The following ZFAT variants were observed in gnomAD, a reference collection of about 807,000 sequenced individuals.
ZFAT encodes zinc finger and AT-hook domain containing.
A neutral mutation model predicts 117.7 loss-of-function variants in ZFAT; 64 were observed. The ratio of observed to expected loss-of-function variants is 0.54; its 90% CI spans 0.44 to 0.67. The LOEUF (loss-of-function observed/expected upper bound fraction) is 0.67, where lower values mean the gene tolerates loss of function less well. ZFAT is among the 30% of genes least tolerant of loss of function. The pLI, the probability that ZFAT is intolerant of heterozygous loss-of-function variation, is 0.00. For missense variants in ZFAT, 1,433 were observed against 1,584.5 expected, an observed-to-expected ratio of 0.90 and a Z score of 1.62; for synonymous variants, 679 against 615.0, an observed-to-expected ratio of 1.10 and a Z score of -1.54.
At chr8:134,748,501 G>A in the ZFAT span, among the ~76,000 whole-genome samples, 22 of 152,148 alleles carry the variant, frequency 1.4e-4, no homozygotes, top group Middle Eastern at 6.8e-3. Flanking sequence ...CATATCATGG[G>A]CATTTTGTTT....
At chr8:134,806,063 A>G in the ZFAT span, among the ~76,000 whole-genome samples, 1 of 152,234 alleles carries the variant, frequency 6.6e-6, no homozygotes, top group South Asian at 2.1e-4. Flanking sequence ...AAAGTCCACA[A>G]TTAAGTCACA....
chr8:134,711,212 T>C (rs1014523387), intron 1 of ZFAT, among the ~76,000 whole-genome samples: 5 of 152,138 alleles, frequency 3.3e-5, no homozygotes, highest in African/African-American at 1.2e-4. Flanking sequence ...CAAGGGACCC[T>C]CCCGCCTCAG....
At chr8:134,683,597 A>G (rs1833172336) in intron 1 of ZFAT, among the ~76,000 whole-genome samples, 1 of 152,208 alleles carries the variant, frequency 6.6e-6, no homozygotes, top group Admixed American at 6.5e-5. Flanking sequence ...GGCAGAACCA[A>G]GAGCCTTGCC....
intron 15 of ZFAT, among the ~76,000 whole-genome samples, chr8:134,486,739 C>T (rs1326495788): frequency 6.6e-6 from 1 of 152,170 alleles, no homozygotes; most frequent in Non-Finnish European, 1.5e-5. Context: ...CTGTCAAGAT[C>T]ATCACCACAG....
chr8:134,669,878 C>T (rs1169235433), intron 1 of ZFAT, among the ~76,000 whole-genome samples: 1 of 152,160 alleles, frequency 6.6e-6, no homozygotes, highest in Non-Finnish European at 1.5e-5. Context: ...CAGAGACACA[C>T]ATAGGCTCAA....
At chr8:134,491,537 A>G (rs929094108) in intron 15 of ZFAT, among the ~76,000 whole-genome samples, 2 of 152,264 alleles carry the variant, frequency 1.3e-5, no homozygotes, top group Admixed American at 6.5e-5. Context: ...TCAACATTTC[A>G]GCAGGGCTGT....
the ZFAT span, among the ~76,000 whole-genome samples, chr8:134,810,714 C>G: frequency 2.0e-5 from 3 of 151,516 alleles, no homozygotes; most frequent in East Asian, 5.8e-4. Context: ...AAAGCTCTCA[C>G]AGAATAGTTG....
intron 2 of ZFAT, among the ~76,000 whole-genome samples, chr8:134,649,160 A>ATCTC (rs58676544): frequency 1.0e-5 from 1 of 100,408 alleles, no homozygotes; most frequent in African/African-American, 5.1e-5. Flanking sequence ...AAGAACATCT[A>ATCTC]TCTCTCACAC....
chr8:134,643,551 A>C (rs186163410), intron 2 of ZFAT, among the ~76,000 whole-genome samples: 1 of 152,214 alleles, frequency 6.6e-6, no homozygotes, highest in Admixed American at 6.5e-5. Context: ...TCAGTATCTT[A>C]TCTCTCTTTG....
intron 11 of ZFAT, among the ~76,000 whole-genome samples, chr8:134,549,046 T>C (rs1308729272): frequency 6.6e-6 from 1 of 152,200 alleles, no homozygotes; most frequent in African/African-American, 2.4e-5. Flanking sequence ...ATCTCTGAAC[T>C]CCAAGGCCCA....
the ZFAT span, among the ~76,000 whole-genome samples, chr8:134,801,837 A>AT: frequency 6.6e-6 from 1 of 152,334 alleles, no homozygotes; most frequent in South Asian, 2.1e-4. Flanking sequence ...TTAATTGGGC[A>AT]TAATATCTAG....
chr8:134,614,003 T>C (rs1182887781), intron 3 of ZFAT, among the ~76,000 whole-genome samples: 1 of 152,192 alleles, frequency 6.6e-6, no homozygotes, highest in Non-Finnish European at 1.5e-5. Context: ...GTTAAACTCG[T>C]TTTTAACCAG....
intron 3 of ZFAT, among the ~76,000 whole-genome samples, chr8:134,635,037 CG>C (rs1369952892): frequency 6.6e-6 from 1 of 152,200 alleles, no homozygotes; most frequent in Non-Finnish European, 1.5e-5. Context: ...AAGCGAGTGT[CG>C]CAGCTGATCT....
intron 15 of ZFAT, among the ~76,000 whole-genome samples, chr8:134,482,766 A>G (rs1312481633): frequency 1.3e-5 from 2 of 152,202 alleles, no homozygotes; most frequent in Non-Finnish European, 2.9e-5. Context: ...GATGGAGGCA[A>G]TGGTGATGTG....
chr8:134,759,123 G>A, the ZFAT span, among the ~76,000 whole-genome samples: 4 of 152,160 alleles, frequency 2.6e-5, no homozygotes, highest in African/African-American at 7.2e-5. Context: ...ATTCAGACAC[G>A]AGGCAGGACT....
intron 15 of ZFAT, among the ~76,000 whole-genome samples, chr8:134,501,648 T>C (rs1252624128): frequency 6.6e-6 from 1 of 151,800 alleles, no homozygotes; most frequent in African/African-American, 2.4e-5. Context: ...CAAGATGAAA[T>C]GAAGTCAAAG....
chr8:134,682,999 A>C (rs2376), intron 1 of ZFAT, among the ~76,000 whole-genome samples: 136,764 of 152,310 alleles, frequency 0.9, 61,632 homozygotes, highest in African/African-American at 0.94. Context: ...TCTGTGAGAA[A>C]TGGACAAACG....
intron 3 of ZFAT, among the ~76,000 whole-genome samples, chr8:134,624,180 G>GCGCACACA (rs1357559072): frequency 1.4e-5 from 2 of 146,192 alleles, no homozygotes; most frequent in African/African-American, 5.2e-5. Context: ...ATGTGCACAT[G>GCGCACACA]CACACACACA....
At chr8:134,776,391 C>T in the ZFAT span, among the ~76,000 whole-genome samples, 2 of 152,204 alleles carry the variant, frequency 1.3e-5, no homozygotes, top group African/African-American at 4.8e-5. Context: ...GCTGCCTTGA[C>T]CGCCCAGGCT....
Sources: gnomAD v4.1 joint callset for allele counts (sites outside exome capture counted in the v4.1 genomes callset) on GRCh38, gnomAD v4.1.1 for gene constraint, MANE v1.5 for transcripts, NCBI Gene and HGNC (gene_info 2026-07-23, HGNC 2026-07-21) for gene names.